KMT5A: variants seen among roughly 807,000 people sequenced by gnomAD.
KMT5A encodes lysine methyltransferase 5A.
Under a neutral mutation model 40.6 loss-of-function variants are expected in KMT5A, and 6 were observed. That is an observed-to-expected ratio of 0.15 (90% CI 0.08 to 0.29). The LOEUF is 0.29. KMT5A is among the 10% of genes least tolerant of loss of function. KMT5A has a pLI of 1.00. For synonymous variants in KMT5A, 153 were observed against 178.8 expected (o/e 0.86, Z 1.15); for missense variants, 308 against 459.1 (o/e 0.67, Z 3.01).
At chr12:123,389,819 T>A (rs1220673262) in intron 2 of KMT5A, among the ~76,000 whole-genome samples, 20 of 152,030 alleles carry the variant, frequency 1.3e-4, no homozygotes, top group Admixed American at 1.3e-3. Context: ...GTGCGGGGCC[T>A]GCGCGGGCCC....
chr12:123,403,234 C>T (rs1169532235), intron 5 of KMT5A, among the ~76,000 whole-genome samples: 2 of 152,258 alleles, frequency 1.3e-5, no homozygotes, highest in African/African-American at 4.8e-5. Flanking sequence ...AAGTCAGAGG[C>T]CTGATTTTCA....
chr12:123,394,141 T>TC (rs1484666461), intron 3 of KMT5A, among the ~76,000 whole-genome samples: 1 of 150,330 alleles, frequency 6.7e-6, no homozygotes, highest in Non-Finnish European at 1.5e-5. Context: ...TCTCACTCTT[T>TC]CGCCCAGGTT....
At chr12:123,389,619 G>C in intron 2 of KMT5A, 65 bp downstream of exon 2, 1 of 1,037,014 alleles carries the variant, frequency 9.6e-7, no homozygotes, top group Non-Finnish European at 1.2e-6. Flanking sequence ...GAGCACATGG[G>C]CGACCCCGGG....
intron 6 of KMT5A, among the ~76,000 whole-genome samples, chr12:123,404,543 G>T (rs115269507): frequency 3.9e-5 from 6 of 152,186 alleles, no homozygotes; most frequent in Non-Finnish European, 8.8e-5. Flanking sequence ...TCAGACACGT[G>T]GTTGTGCCTC....
chr12:123,389,102 C>T (rs1170473200), intron 1 of KMT5A: 1 of 133,836 alleles, frequency 7.5e-6, no homozygotes, highest in African/African-American at 2.7e-5. Flanking sequence ...CGCCGCCGGC[C>T]CTTCCCCGGG....
chr12:123,402,996 C>T (rs1028040220), intron 5 of KMT5A, among the ~76,000 whole-genome samples: 2 of 152,214 alleles, frequency 1.3e-5, no homozygotes, highest in Admixed American at 1.3e-4. Flanking sequence ...GCAACCTCCA[C>T]CTCCCAGGTT....
Position 123,384,344 on chromosome 12 carries a change from GGA to G in KMT5A, c.10+140_10+141del, listed in dbSNP as rs1876735994. ...GGCAAGCTTGGGGACCCGCGTGGGG[GGA>G]GAGGGGGTGCTGCTGCGGAACCCGC... On this transcript the variant is annotated intron_variant, in intron 1 of 7. Coordinates refer to ENST00000402868, the MANE Select transcript of KMT5A (RefSeq NM_020382.7). The surrounding 1 kb of genome is among the most constrained non-coding windows in gnomAD (Gnocchi z 5.7). 1 of 1,236,134 alleles carries G rather than the reference GGA, an allele frequency of 8.1e-7. No homozygotes were observed. Among genetic ancestry groups the G allele is most frequent in the Non-Finnish European group, 1.1e-6 (1 of 885,112 alleles). 76.6% of individuals were successfully genotyped at this position (1,236,134 alleles called of 1,614,324 possible).
intron 7 of KMT5A, among the ~76,000 whole-genome samples, chr12:123,405,463 G>A (rs1397419684): frequency 7.0e-6 from 1 of 142,472 alleles, no homozygotes; most frequent in East Asian, 2.0e-4. Context: ...GAGCCACTGC[G>A]CTCGGGCTGT....
At chr12:123,395,388 G>A (rs936558990) in intron 4 of KMT5A, 122 bp downstream of exon 4, 24 of 971,132 alleles carry the variant, frequency 2.5e-5, no homozygotes, top group African/African-American at 3.3e-5. Context: ...TCATGTCAAA[G>A]ACTCAGATGC....
chr12:123,403,751 G>C, intron 6 of KMT5A, 119 bp downstream of exon 6: 2 of 1,088,212 alleles, frequency 1.8e-6, no homozygotes, highest in South Asian at 2.7e-5. Flanking sequence ...ATGGTGACCA[G>C]GCAGACTCTA....
intron 7 of KMT5A, among the ~76,000 whole-genome samples, chr12:123,406,892 G>A (rs1471360570): frequency 2.0e-5 from 3 of 151,978 alleles, no homozygotes; most frequent in South Asian, 2.1e-4. Context: ...GGTGGCACAC[G>A]CTTCTAATCC....
intron 4 of KMT5A, 131 bp downstream of exon 4, chr12:123,395,397 G>C (rs1877637649): frequency 3.3e-6 from 3 of 903,188 alleles, no homozygotes; most frequent in Non-Finnish European, 5.1e-6. Context: ...AGACTCAGAT[G>C]CCCCGAGTCA....
At chr12:123,392,110 C>T (rs1379567735) in intron 3 of KMT5A, among the ~76,000 whole-genome samples, 1 of 152,158 alleles carries the variant, frequency 6.6e-6, no homozygotes, top group Non-Finnish European at 1.5e-5. Flanking sequence ...AGGGTGGTTG[C>T]AGCGTGGATG....
At chr12:123,394,284 A>G (rs1877529236) in intron 3 of KMT5A, among the ~76,000 whole-genome samples, 1 of 151,590 alleles carries the variant, frequency 6.6e-6, no homozygotes, top group Non-Finnish European at 1.5e-5. Context: ...TTGTATTTTT[A>G]GTAGAGATGG....
intron 7 of KMT5A, among the ~76,000 whole-genome samples, chr12:123,406,560 C>T (rs61955125): frequency 0.6 from 91,652 of 151,964 alleles, 29,105 homozygotes; most frequent in East Asian, 0.7. Flanking sequence ...GTAATCCACC[C>T]GCCTCAGCCT....
chr12:123,405,689 A>T (rs945762726), intron 7 of KMT5A, among the ~76,000 whole-genome samples: 1 of 148,800 alleles, frequency 6.7e-6, no homozygotes. Flanking sequence ...GCTAATTCTT[A>T]TATATTTTTT....
intron 1 of KMT5A, chr12:123,389,011 C>T (rs1465232003): frequency 2.8e-5 from 4 of 142,898 alleles, no homozygotes; most frequent in Non-Finnish European, 6.2e-5. Flanking sequence ...TCGTGCCTCG[C>T]CCCGGGCGGC....
chr12:123,392,226 G>A (rs1050563184), intron 3 of KMT5A, among the ~76,000 whole-genome samples: 1 of 152,218 alleles, frequency 6.6e-6, no homozygotes, highest in Non-Finnish European at 1.5e-5. Flanking sequence ...GGGTTGGGGA[G>A]AGGCGCTGTC....
rs1427709596 is a variant in KMT5A at position 123,408,440 on chromosome 12, T to C, written c.*737T>C. Reference sequence around the variant, plus strand: ...GTTTCCTGAAACTGGGTTAATTCTTTATAGAAATGTGAACACTGAATTTAT... The same window carrying C: ...GTTTCCTGAAACTGGGTTAATTCTTCATAGAAATGTGAACACTGAATTTAT... On this transcript the variant is annotated 3_prime_UTR_variant, in exon 8 of 8. Transcript: ENST00000402868. The C allele has an allele frequency of 2.6e-5, 4 of 151,890 alleles. No individual in the cohort carries two copies. The highest frequency in any genetic ancestry group is 4.4e-5 in the Non-Finnish European group (3 of 67,930). 9.4% of individuals were successfully genotyped at this position (151,890 alleles called of 1,614,324 possible).
Sources: gnomAD v4.1 joint callset for allele counts (sites outside exome capture counted in the v4.1 genomes callset) on GRCh38, gnomAD v4.1.1 for gene constraint, Gnocchi (gnomAD v3.1) non-coding constraint, MANE v1.5 for transcripts, NCBI Gene and HGNC (gene_info 2026-07-23, HGNC 2026-07-21) for gene names.